The following SRGAP3 variants were observed in gnomAD, a reference collection of about 807,000 sequenced individuals.
The protein encoded by SRGAP3 is SLIT-ROBO Rho GTPase activating protein 3, also known as SLIT-ROBO Rho GTPase-activating protein 3.
In SRGAP3, 39 loss-of-function variants were observed where a neutral mutation model predicts 121.1. The observed-to-expected ratio is 0.32, with a 90% confidence interval of 0.25 to 0.42. SRGAP3 has a LOEUF of 0.42. SRGAP3 is among the 10% of genes least tolerant of loss of function. The probability of loss-of-function intolerance (pLI) is 1.00; values close to 1 mark genes in which losing one functional copy is unlikely to be tolerated. For missense variants in SRGAP3, 1,213 were observed against 1,470.6 expected (o/e 0.82, Z 2.86); for synonymous variants, 601 against 570.0 (o/e 1.05, Z -0.77).
intron 1 of SRGAP3, among the ~76,000 whole-genome samples, chr3:9,199,061 C>T (rs908917097): frequency 2.0e-5 from 3 of 150,124 alleles, no homozygotes; most frequent in Non-Finnish European, 4.4e-5. Context: ...CCAATATCTG[C>T]CCCCCCTTCC....
intron 1 of SRGAP3, chr3:9,192,847 C>T (rs1951798462): frequency 6.6e-6 from 1 of 152,146 alleles, no homozygotes; most frequent in African/African-American, 2.4e-5. Context: ...TATAGTAACT[C>T]CAGGCTCTAA....
intron 3 of SRGAP3, among the ~76,000 whole-genome samples, chr3:9,101,652 C>G (rs2124901972): frequency 6.6e-6 from 1 of 152,358 alleles, no homozygotes; most frequent in East Asian, 1.9e-4. Context: ...GAAAGAGTTG[C>G]AGAAAGACAG....
At chr3:9,302,158 A>G (rs1955069868) in intron 3 of SRGAP3, among the ~76,000 whole-genome samples, 1 of 152,170 alleles carries the variant, frequency 6.6e-6, no homozygotes, top group African/African-American at 2.4e-5. Context: ...TAGAGATGGG[A>G]AACTTAGTGA....
At chr3:9,246,360 T>G (rs937992441) in intron 1 of SRGAP3, among the ~76,000 whole-genome samples, 2 of 152,176 alleles carry the variant, frequency 1.3e-5, no homozygotes, top group African/African-American at 2.4e-5. Context: ...CAAATGTTCT[T>G]CAGAGGCATG....
chr3:9,091,915 A>G (rs1254182408), intron 3 of SRGAP3, among the ~76,000 whole-genome samples: 1 of 151,732 alleles, frequency 6.6e-6, no homozygotes, highest in African/African-American at 2.4e-5. Context: ...TGAACTCCAA[A>G]TGTTGTCATC....
intron 3 of SRGAP3, among the ~76,000 whole-genome samples, chr3:9,098,781 T>C (rs569596306): frequency 6.6e-6 from 1 of 152,336 alleles, no homozygotes; most frequent in African/African-American, 2.4e-5. Flanking sequence ...CTGTTTGTTA[T>C]CTATAATTAT....
chr3:9,026,975 C>T lies in SRGAP3; in HGVS notation c.1560G>A (p.Pro520=), dbSNP rs149562515. The change falls in exon 13 of 22, where the codon CCG becomes CCA. Residue 520 remains proline (P), a synonymous_variant. Coordinates refer to ENST00000383836, the MANE Select transcript of SRGAP3 (RefSeq NM_014850.4). ...AACGGATGCAGCTCTCGACTACAAG[C>T]GGTATAGCTTGTCCTGAATCCTTGA... ...AFIKDSGQAI[P]LVVESCIRYI... 2.8e-5 allele frequency: 45 copies of T among 1,614,068 alleles called. No homozygotes were observed. Among genetic ancestry groups the T allele is most frequent in the Middle Eastern group, 1.6e-4 (1 of 6,084 alleles).
intron 14 of SRGAP3, among the ~76,000 whole-genome samples, chr3:9,020,188 T>C (rs1162732228): frequency 6.6e-6 from 1 of 152,214 alleles, no homozygotes; most frequent in South Asian, 2.1e-4. Flanking sequence ...CCCTGAGAGA[T>C]ACACTTTCTT....
At chr3:9,136,190 G>C (rs1949640820) in intron 1 of SRGAP3, among the ~76,000 whole-genome samples, 1 of 152,166 alleles carries the variant, frequency 6.6e-6, no homozygotes, top group Non-Finnish European at 1.5e-5. Context: ...TCCTTCTCTA[G>C]GCCCTGCACA....
chr3:9,057,247 A>G (rs1323401634), intron 7 of SRGAP3, among the ~76,000 whole-genome samples: 1 of 152,128 alleles, frequency 6.6e-6, no homozygotes, highest in African/African-American at 2.4e-5. Flanking sequence ...GGACTCCAGT[A>G]TTACCTGTGG....
At chr3:9,048,548 C>T (rs955803940) in intron 9 of SRGAP3, among the ~76,000 whole-genome samples, 25 of 152,164 alleles carry the variant, frequency 1.6e-4, no homozygotes, top group African/African-American at 5.8e-4. Flanking sequence ...GAGCTGAGCA[C>T]GGTGACTCAC....
chr3:9,300,468 C>A (rs564649504), intron 3 of SRGAP3, among the ~76,000 whole-genome samples: 3 of 151,984 alleles, frequency 2.0e-5, no homozygotes, highest in Non-Finnish European at 4.4e-5. Context: ...CCTTTGGGCA[C>A]CTCGCCCTTG....
At chr3:9,249,730 A>G (rs1953956010), upstream of SRGAP3, 1 of 225,432 alleles carries the variant, frequency 4.4e-6, no homozygotes, top group Non-Finnish European at 8.9e-6. Flanking sequence ...CAACTGACAC[A>G]TTGTAGCCTA....
At chr3:9,290,148 T>A (rs1954847449) in intron 3 of SRGAP3, among the ~76,000 whole-genome samples, 1 of 152,136 alleles carries the variant, frequency 6.6e-6, no homozygotes, top group Non-Finnish European at 1.5e-5. Context: ...AGCAAGTGTC[T>A]ATGAAGCAAA....
At chr3:9,303,976 C>A (rs188900593) in intron 3 of SRGAP3, among the ~76,000 whole-genome samples, 2 of 152,046 alleles carry the variant, frequency 1.3e-5, no homozygotes, top group Admixed American at 6.6e-5. Flanking sequence ...GAGTGTACAA[C>A]GGGGGAAATC....
At chr3:9,202,702 T>G (rs571919709) in intron 1 of SRGAP3, among the ~76,000 whole-genome samples, 2 of 152,354 alleles carry the variant, frequency 1.3e-5, no homozygotes, top group East Asian at 3.9e-4. Flanking sequence ...GAGCTGATGC[T>G]GGGCCTGAAT....
intron 1 of SRGAP3, among the ~76,000 whole-genome samples, chr3:9,246,544 T>C (rs1021170206): frequency 6.6e-6 from 1 of 152,196 alleles, no homozygotes; most frequent in African/African-American, 2.4e-5. Flanking sequence ...CTTGTGACCT[T>C]GGGCAAGTCA....
intron 3 of SRGAP3, chr3:9,292,831 T>A (rs1954891579): frequency 6.6e-6 from 1 of 152,140 alleles, no homozygotes; most frequent in Non-Finnish European, 1.5e-5. Flanking sequence ...CTAAGACCCT[T>A]GGGAGCCTGG....
intron 1 of SRGAP3, among the ~76,000 whole-genome samples, chr3:9,346,679 GTAAGTTACTGACTA>G (rs974885248): frequency 6.6e-6 from 1 of 151,830 alleles, no homozygotes; most frequent in African/African-American, 2.4e-5. Context: ...AGGAGAGCTG[GTAAGTTACTGACTA>G]TAAGATGATC....
Sources: gnomAD v4.1 joint callset for allele counts (sites outside exome capture counted in the v4.1 genomes callset) on GRCh38, gnomAD v4.1.1 for gene constraint, MANE v1.5 for transcripts, NCBI Gene and HGNC (gene_info 2026-07-23, HGNC 2026-07-21) for gene names.